Variants in NT5C2 observed in about 807,000 individuals in gnomAD.
NT5C2 encodes 5'-nucleotidase, cytosolic II.
In NT5C2, 58 loss-of-function variants were observed where a neutral mutation model predicts 76.1. The observed-to-expected ratio is 0.76, with a 90% CI of 0.62 to 0.95. The LOEUF (loss-of-function observed/expected upper bound fraction) is 0.95, where lower values mean the gene tolerates loss of function less well. Among genes scored for constraint, NT5C2 ranks in the 40% least tolerant of loss-of-function variants. The probability of loss-of-function intolerance (pLI) is 0.00; values close to 1 mark genes in which losing one functional copy is unlikely to be tolerated. For synonymous variants in NT5C2, 229 were observed against 237.4 expected, an observed-to-expected ratio of 0.96 and a Z score of 0.32; for missense variants, 478 against 690.3, an observed-to-expected ratio of 0.69 and a Z score of 3.45.
At chr10:103,173,620 A>G (rs2088898387) in intron 3 of NT5C2, among the ~76,000 whole-genome samples, 1 of 150,484 alleles carries the variant, frequency 6.6e-6, no homozygotes, top group African/African-American at 2.4e-5. Flanking sequence ...TCAAAAAAAA[A>G]AAAAAAAAAA....
At chr10:103,182,667 T>G (rs972867203) in intron 1 of NT5C2, among the ~76,000 whole-genome samples, 7 of 151,982 alleles carry the variant, frequency 4.6e-5, no homozygotes, top group African/African-American at 1.7e-4. Context: ...CATTTTTAAG[T>G]TTTATAATCA....
chr10:103,153,610 G>C, intron 3 of NT5C2: 1 of 985,402 alleles, frequency 1.0e-6, no homozygotes, highest in Non-Finnish European at 1.2e-6. Context: ...GCAAGTTCCT[G>C]TAAGAGACAG....
chr10:103,119,160 G>C (rs1483301947), intron 4 of NT5C2, among the ~76,000 whole-genome samples: 1 of 151,978 alleles, frequency 6.6e-6, no homozygotes, highest in African/African-American at 2.4e-5. Context: ...ACCTGAGATG[G>C]GGAGTTCAAG....
intron 2 of NT5C2, among the ~76,000 whole-genome samples, chr10:103,178,581 C>T (rs1276504856): frequency 6.6e-6 from 1 of 151,974 alleles, no homozygotes; most frequent in Admixed American, 6.6e-5. Context: ...GCCTGTAATC[C>T]CAGCACTTTG....
At chr10:103,121,455 T>A (rs1053175430) in intron 4 of NT5C2, among the ~76,000 whole-genome samples, 3 of 152,184 alleles carry the variant, frequency 2.0e-5, no homozygotes, top group Non-Finnish European at 2.9e-5. Context: ...AGAAACATGA[T>A]GAGGGCCCTG....
intron 14 of NT5C2, 90 bp downstream of exon 14, chr10:103,093,882 A>G: frequency 2.1e-6 from 2 of 947,030 alleles, no homozygotes; most frequent in Non-Finnish European, 3.4e-6. Context: ...ACTACTAAAC[A>G]GTATATGTGG....
chr10:103,126,756 C>G (rs1036422769), intron 4 of NT5C2, among the ~76,000 whole-genome samples: 2 of 152,238 alleles, frequency 1.3e-5, no homozygotes, highest in African/African-American at 4.8e-5. Flanking sequence ...AGACAAACTA[C>G]AGCTGACTTG....
chr10:103,158,253 G>A (rs932666397), intron 3 of NT5C2, among the ~76,000 whole-genome samples: 11 of 152,016 alleles, frequency 7.2e-5, no homozygotes, highest in Non-Finnish European at 1.5e-4. Flanking sequence ...ATTTATAGCT[G>A]TAAATGCACA....
intron 3 of NT5C2, among the ~76,000 whole-genome samples, chr10:103,156,636 TCC>T (rs1238678915): frequency 6.6e-6 from 1 of 151,754 alleles, no homozygotes; most frequent in Non-Finnish European, 1.5e-5. Context: ...ATGCCTGTAA[TCC>T]CAGCTACTCG....
chr10:103,099,365 A>T (rs964604681), intron 9 of NT5C2, among the ~76,000 whole-genome samples: 1 of 152,206 alleles, frequency 6.6e-6, no homozygotes, highest in Non-Finnish European at 1.5e-5. Context: ...ATGAGCCATC[A>T]TGCCCAGCCC....
At position 103,106,746 on chromosome 10, in the gene NT5C2, C is replaced by G. The variant is rs535360854; in HGVS notation, c.176-40G>C. ...GGTTTTCATTAGTTAGCAGAAAGAA[C>G]AGCCAATTAAAACAGAATGCAAATG... On this transcript the variant is annotated intron_variant, in intron 4 of 18. Coordinates refer to ENST00000404739, the MANE Select transcript of NT5C2 (RefSeq NM_001351169.2). 5.1e-6 allele frequency: 6 copies of G among 1,176,744 alleles called. No homozygotes were observed. In the East Asian group the frequency reaches 1.2e-4, roughly 23 times the overall value. The allele number at this position is 1,176,744 out of a possible 1,614,324, so 72.9% of individuals were successfully genotyped here.
At chr10:103,183,900 T>A (rs920847571) in intron 1 of NT5C2, among the ~76,000 whole-genome samples, 1 of 152,086 alleles carries the variant, frequency 6.6e-6, no homozygotes, top group African/African-American at 2.4e-5. Flanking sequence ...TTATCTTAAA[T>A]GTTTCATTAC....
intron 3 of NT5C2, among the ~76,000 whole-genome samples, chr10:103,152,395 T>A (rs1005326175): frequency 6.6e-6 from 1 of 152,164 alleles, no homozygotes; most frequent in Non-Finnish European, 1.5e-5. Context: ...TATTCAATAA[T>A]GAAATCTAAA....
intron 4 of NT5C2, among the ~76,000 whole-genome samples, chr10:103,116,669 A>G (rs1352644867): frequency 1.4e-5 from 2 of 147,498 alleles, no homozygotes; most frequent in Admixed American, 6.9e-5. Flanking sequence ...TACTAGGCTC[A>G]AGCAATCCTC....
intron 3 of NT5C2, among the ~76,000 whole-genome samples, chr10:103,143,106 T>C (rs2080823644): frequency 6.6e-6 from 1 of 152,108 alleles, no homozygotes; most frequent in Non-Finnish European, 1.5e-5. Context: ...GTAGCCAAAG[T>C]TAAAACTGCA....
At chr10:103,188,220 T>C (rs1255444320) in intron 1 of NT5C2, among the ~76,000 whole-genome samples, 1 of 151,990 alleles carries the variant, frequency 6.6e-6, no homozygotes, top group Non-Finnish European at 1.5e-5. Flanking sequence ...TAGCCAGGCA[T>C]GGTGGCGGGC....
rs774169900 is a variant in NT5C2 at position 103,089,796 on chromosome 10, C to T, written c.1562G>A (p.Arg521Gln). ...SVDFKDTDYK[R>Q]HQLTRSISEI... is the part of the protein sequence containing the mutation. ...ACTAATTGACCGTGTCAGCTGGTGC[C>T]GCTTGTAGTCAGTGTCTTTGAAATC... The change falls in exon 19 of 19, where the codon CGG becomes CAG. Residue 521 changes from arginine to glutamine, a missense_variant. Physicochemically the swap from Arg to Gln is conservative, Grantham distance 43. Transcript: ENST00000404739. The T allele has an allele frequency of 2.4e-5, 39 of 1,613,854 alleles. No homozygotes were observed. Among genetic ancestry groups the T allele is most frequent in the Admixed American group, 5.0e-5 (3 of 59,982 alleles).
At chr10:103,186,001 C>T (rs1347767199) in intron 1 of NT5C2, among the ~76,000 whole-genome samples, 4 of 152,248 alleles carry the variant, frequency 2.6e-5, no homozygotes, top group Admixed American at 6.5e-5. Context: ...CAGCATAGTA[C>T]ATATTTTAAC....
At chr10:103,180,494 G>A (rs2090861382) in intron 2 of NT5C2, among the ~76,000 whole-genome samples, 1 of 152,182 alleles carries the variant, frequency 6.6e-6, no homozygotes, top group East Asian at 1.9e-4. Context: ...CACTTTGGGA[G>A]GCCAAGATGG....
Sources: allele counts gnomAD v4.1 joint callset (sites outside exome capture counted in the v4.1 genomes callset), GRCh38; gene constraint gnomAD v4.1.1; transcripts MANE v1.5; gene names NCBI Gene and HGNC (gene_info 2026-07-23, HGNC 2026-07-21).